PRDM6: variants seen among roughly 807,000 people sequenced by gnomAD.
PRDM6 encodes putative histone-lysine N-methyltransferase PRDM6.
PRDM6 carries 25 observed loss-of-function variants against 60.8 expected under a neutral mutation model. That is an observed-to-expected ratio of 0.41 (90% CI 0.30 to 0.57). The LOEUF is 0.57. Among genes scored for constraint, PRDM6 ranks in the 20% least tolerant of loss-of-function variants. The probability of loss-of-function intolerance (pLI) is 0.27; values close to 1 mark genes in which losing one functional copy is unlikely to be tolerated. For synonymous variants in PRDM6, 407 were observed against 357.4 expected, an observed-to-expected ratio of 1.14 and a Z score of -1.57; for missense variants, 839 against 821.3, an observed-to-expected ratio of 1.02 and a Z score of -0.26.
rs117759207 is a variant in PRDM6 at position 123,123,448 on chromosome 5, C to T, written c.900+23487C>T. Among the ~76,000 whole-genome samples, 71 of 152,218 alleles carry T rather than the reference C, an allele frequency of 4.7e-4. No individual in the cohort carries two copies. The East Asian group carries it at 0.011, about 24-fold the overall frequency. On this transcript the variant is annotated intron_variant, in intron 3 of 7. Coordinates refer to ENST00000407847, the MANE Select transcript of PRDM6 (RefSeq NM_001136239.4). ...TGGCTATTGAGATTTTTCATGTAGT[C>T]GGTTACTTTTACATACTGCATTGCC...
At chr5:123,115,685 T>C (rs1245726853) in intron 3 of PRDM6, among the ~76,000 whole-genome samples, 1 of 152,244 alleles carries the variant, frequency 6.6e-6, no homozygotes, top group Non-Finnish European at 1.5e-5. Flanking sequence ...GTCCTCATCA[T>C]AAAACCATGA....
chr5:123,096,103 A>C (rs1287291077), intron 2 of PRDM6, among the ~76,000 whole-genome samples: 1 of 478 alleles, frequency 2.1e-3, no homozygotes, highest in Non-Finnish European at 7.7e-3. Context: ...ACGCTTAGAC[A>C]GGAGCATTGA....
At chr5:123,155,500 T>TG (rs1765472727) in intron 3 of PRDM6, among the ~76,000 whole-genome samples, 1 of 152,034 alleles carries the variant, frequency 6.6e-6, no homozygotes, top group African/African-American at 2.4e-5. Flanking sequence ...TGTTTGAGAC[T>TG]GGGGGGCCTC....
At chr5:123,152,260 A>G (rs1561857904) in intron 3 of PRDM6, among the ~76,000 whole-genome samples, 1 of 152,098 alleles carries the variant, frequency 6.6e-6, no homozygotes, top group Non-Finnish European at 1.5e-5. Context: ...CAGGTAAGTA[A>G]ATTAGTGAAG....
chr5:123,165,108 C>T (rs768592308), intron 5 of PRDM6, among the ~76,000 whole-genome samples: 12 of 152,116 alleles, frequency 7.9e-5, no homozygotes, highest in South Asian at 2.1e-4. Context: ...GTTTCCTGGG[C>T]GACCTAATTT....
intron 4 of PRDM6, among the ~76,000 whole-genome samples, chr5:123,156,809 A>G (rs2126873388): frequency 6.6e-6 from 1 of 152,322 alleles, no homozygotes; most frequent in African/African-American, 2.4e-5. Flanking sequence ...CTTAGTGCTA[A>G]GGAAGGCTGG....
At chr5:123,159,457 A>T in intron 4 of PRDM6, 57 bp from the exon 5 acceptor site, 1 of 1,522,684 alleles carries the variant, frequency 6.6e-7, no homozygotes, top group Non-Finnish European at 8.8e-7. Flanking sequence ...AAAAATATGG[A>T]TGGGGGCACA....
chr5:123,123,219 T>C (rs1764619816), intron 3 of PRDM6, among the ~76,000 whole-genome samples: 2 of 152,240 alleles, frequency 1.3e-5, no homozygotes, highest in African/African-American at 4.8e-5. Flanking sequence ...TTTGTATATC[T>C]TTTCCTCTTT....
intron 3 of PRDM6, among the ~76,000 whole-genome samples, chr5:123,111,696 A>AAG (rs1441867034): frequency 4.8e-5 from 5 of 104,750 alleles, no homozygotes; most frequent in African/African-American, 1.5e-4. Flanking sequence ...AGAAAACAAA[A>AAG]CAAAACAAAA....
chr5:123,128,508 T>G (rs1190295098), intron 3 of PRDM6, among the ~76,000 whole-genome samples: 2 of 152,252 alleles, frequency 1.3e-5, no homozygotes, highest in African/African-American at 4.8e-5. Context: ...TTTGCATTTC[T>G]CTGATGACCA....
chr5:123,107,790 G>A (rs557240171), intron 3 of PRDM6, among the ~76,000 whole-genome samples: 1 of 152,182 alleles, frequency 6.6e-6, no homozygotes, highest in South Asian at 2.1e-4. Context: ...TTTAAAAGGG[G>A]AAATGTTGTA....
In PRDM6 at chr5:123,180,172, C is replaced by T; in HGVS notation, c.1522C>T (p.Gln508Ter). Residue 508 changes from glutamine (Q) to a stop codon, truncating the protein, a stop_gained, in exon 7 of 8, where the codon CAG becomes TAG. Coordinates refer to ENST00000407847, the MANE Select transcript of PRDM6 (RefSeq NM_001136239.4). LOFTEE classifies it high-confidence loss of function. ...DRPYQCGHCS[Q>*]SFSQPSELRN... is the part of the protein sequence containing the mutation. ...ACCCTACCAATGCGGCCACTGCTCC[C>T]AGTCCTTTTCCCAGCCTTCAGAACT... The T allele has an allele frequency of 6.4e-7, 1 of 1,551,338 alleles. No individual in the cohort carries two copies. Among genetic ancestry groups the T allele is most frequent in the Non-Finnish European group, 8.7e-7 (1 of 1,146,540 alleles).
intron 3 of PRDM6, among the ~76,000 whole-genome samples, chr5:123,148,813 A>C (rs1021676102): frequency 6.6e-6 from 1 of 152,196 alleles, no homozygotes; most frequent in Non-Finnish European, 1.5e-5. Flanking sequence ...AATTTCAGTT[A>C]GTTTTAAAGG....
intron 3 of PRDM6, among the ~76,000 whole-genome samples, chr5:123,129,062 T>G (rs1764761241): frequency 1.3e-5 from 2 of 152,136 alleles, no homozygotes; most frequent in Middle Eastern, 3.4e-3. Flanking sequence ...TTGTCAAAGA[T>G]CAGATGGTTG....
chr5:123,125,173 CCA>C (rs1425005486), intron 3 of PRDM6, among the ~76,000 whole-genome samples: 1 of 149,560 alleles, frequency 6.7e-6, no homozygotes. Context: ...GCCGGCCCCG[CCA>C]CACACACACA....
chr5:123,136,559 A>G (rs1764957400), intron 3 of PRDM6, among the ~76,000 whole-genome samples: 1 of 152,220 alleles, frequency 6.6e-6, no homozygotes, highest in African/African-American at 2.4e-5. Flanking sequence ...CATATATTTT[A>G]GCACATTTGA....
intron 3 of PRDM6, among the ~76,000 whole-genome samples, chr5:123,116,736 C>T (rs991304987): frequency 6.6e-6 from 1 of 152,050 alleles, no homozygotes; most frequent in Non-Finnish European, 1.5e-5. Context: ...TCAGGCTAGG[C>T]TTTGTAAGTT....
chr5:123,175,837 C>T (rs1053736865), intron 6 of PRDM6, among the ~76,000 whole-genome samples: 1 of 152,180 alleles, frequency 6.6e-6, no homozygotes, highest in Admixed American at 6.5e-5. Flanking sequence ...ATACACCAAA[C>T]CAATTACAGA....
intron 4 of PRDM6, among the ~76,000 whole-genome samples, chr5:123,158,586 C>T (rs1359446200): frequency 5.9e-5 from 9 of 152,190 alleles, no homozygotes; most frequent in Admixed American, 5.9e-4. Context: ...CCAAGAGCCA[C>T]TTTGTGGTGA....
Sources: allele counts gnomAD v4.1 joint callset (sites outside exome capture counted in the v4.1 genomes callset), GRCh38; gene constraint gnomAD v4.1.1; transcripts MANE v1.5; gene names NCBI Gene and HGNC (gene_info 2026-07-23, HGNC 2026-07-21).